Variants in CNTNAP5 observed in about 807,000 individuals in gnomAD.
CNTNAP5 encodes contactin associated protein family member 5, also known as contactin-associated protein-like 5.
A neutral mutation model predicts 150.2 loss-of-function variants in CNTNAP5; 72 were observed. The ratio of observed to expected loss-of-function variants is 0.48; its 90% CI spans 0.40 to 0.58. The LOEUF (loss-of-function observed/expected upper bound fraction) is 0.58, where lower values mean the gene tolerates loss of function less well. CNTNAP5 is among the 20% of genes least tolerant of loss of function. CNTNAP5 has a pLI of 0.00. For missense variants in CNTNAP5, 1,636 were observed against 1,626.2 expected (o/e 1.01, Z -0.10); for synonymous variants, 672 against 619.8 (o/e 1.08, Z -1.25).
intron 19 of CNTNAP5, among the ~76,000 whole-genome samples, chr2:124,860,472 C>CTTCTTTCCTTCCTTCCTTCCTTCT (rs1677496223): frequency 1.2e-5 from 1 of 86,404 alleles, no homozygotes; most frequent in Admixed American, 1.2e-4. Flanking sequence ...TCCTTCCTTC[C>CTTCTTTCCTTCCTTCCTTCCTTCT]TTCCTTCCTT....
intron 16 of CNTNAP5, 34 bp downstream of exon 16, chr2:124,764,181 G>T: frequency 6.4e-7 from 1 of 1,567,292 alleles, no homozygotes; most frequent in South Asian, 1.1e-5. Context: ...TAATGTAACT[G>T]ATCAACAAAC....
intron 12 of CNTNAP5, among the ~76,000 whole-genome samples, chr2:124,627,570 C>G (rs1035631140): frequency 2.7e-5 from 4 of 150,106 alleles, no homozygotes; most frequent in African/African-American, 9.8e-5. Flanking sequence ...AAAGTTATCA[C>G]CCTCAAGATC....
At chr2:124,524,277 T>C (rs1342522385) in intron 8 of CNTNAP5, 26 bp from the exon 9 acceptor site, 2 of 1,613,278 alleles carry the variant, frequency 1.2e-6, no homozygotes, top group Admixed American at 1.7e-5. Flanking sequence ...ATCATCTCTA[T>C]GCTTACTCTC....
intron 3 of CNTNAP5, among the ~76,000 whole-genome samples, chr2:124,384,228 G>A (rs1158035015): frequency 1.3e-5 from 2 of 152,158 alleles, no homozygotes; most frequent in Non-Finnish European, 1.5e-5. Context: ...TACTCCAAGT[G>A]TGCTGCAGAA....
rs74937636 is a variant in CNTNAP5, at chr2:124,237,851, C to A, written c.188-4349C>A. Among the ~76,000 whole-genome samples, 731 of 152,056 alleles carry A rather than the reference C, an allele frequency of 4.8e-3. 8 individuals are homozygous for A. Among genetic ancestry groups the A allele is most frequent in the African/African-American group, 0.017 (688 of 41,508 alleles). On this transcript the variant is annotated intron_variant, in intron 2 of 23. Transcript: ENST00000682447. ...GACTCTGTCTCAAAAGAAAAAACAA[C>A]AACAGCAACAACAACAACAAAACAC...
At chr2:124,557,022 A>G (rs1359682399) in intron 10 of CNTNAP5, among the ~76,000 whole-genome samples, 2 of 152,142 alleles carry the variant, frequency 1.3e-5, no homozygotes, top group African/African-American at 4.8e-5. Flanking sequence ...CTCAAAAAAA[A>G]AAAAAGCTCT....
At chr2:124,090,551 C>G (rs746864750) in intron 1 of CNTNAP5, among the ~76,000 whole-genome samples, 1 of 152,122 alleles carries the variant, frequency 6.6e-6, no homozygotes, top group Non-Finnish European at 1.5e-5. Context: ...ATGCTTCCTT[C>G]TTTTATGTTA....
intron 1 of CNTNAP5, among the ~76,000 whole-genome samples, chr2:124,029,377 A>G (rs1261378405): frequency 6.6e-6 from 1 of 152,072 alleles, no homozygotes. Flanking sequence ...AAGCACTCCA[A>G]TGCTCATTTG....
intron 12 of CNTNAP5, among the ~76,000 whole-genome samples, chr2:124,625,741 G>A (rs1374698898): frequency 2.0e-5 from 3 of 152,196 alleles, no homozygotes; most frequent in Admixed American, 2.0e-4. Context: ...AGGGGATTGG[G>A]AGACAGTCCA....
At chr2:124,375,135 G>T (rs1252976599) in intron 3 of CNTNAP5, among the ~76,000 whole-genome samples, 1 of 151,992 alleles carries the variant, frequency 6.6e-6, no homozygotes, top group Non-Finnish European at 1.5e-5. Flanking sequence ...AGTAATAATG[G>T]TCGCAATACA....
chr2:124,124,727 C>G (rs926664885), intron 1 of CNTNAP5, among the ~76,000 whole-genome samples: 1 of 152,192 alleles, frequency 6.6e-6, no homozygotes, highest in Non-Finnish European at 1.5e-5. Flanking sequence ...AGAAGAAACT[C>G]TACAAGCCAG....
At chr2:124,550,854 G>C (rs1695612178) in intron 10 of CNTNAP5, among the ~76,000 whole-genome samples, 1 of 152,032 alleles carries the variant, frequency 6.6e-6, no homozygotes, top group South Asian at 2.1e-4. Flanking sequence ...TTGGTGGTAG[G>C]GGACTTGTTT....
intron 1 of CNTNAP5, among the ~76,000 whole-genome samples, chr2:124,118,516 C>T (rs373773580): frequency 6.6e-6 from 1 of 152,182 alleles, no homozygotes; most frequent in East Asian, 1.9e-4. Flanking sequence ...TCACTGTGTA[C>T]ACCATCATGA....
At chr2:124,599,664 G>T (rs1696934877) in intron 11 of CNTNAP5, among the ~76,000 whole-genome samples, 1 of 152,076 alleles carries the variant, frequency 6.6e-6, no homozygotes, top group African/African-American at 2.4e-5. Context: ...TCTTTAAAAG[G>T]TTCATTTGAG....
chr2:124,128,132 A>G (rs574592513), intron 1 of CNTNAP5, among the ~76,000 whole-genome samples: 3 of 152,302 alleles, frequency 2.0e-5, no homozygotes, highest in East Asian at 3.9e-4. Context: ...CAACCTACAG[A>G]ATGGGAGAAA....
chr2:124,736,715 A>G (rs992968216), intron 13 of CNTNAP5, among the ~76,000 whole-genome samples: 12 of 152,222 alleles, frequency 7.9e-5, no homozygotes, highest in African/African-American at 2.9e-4. Context: ...GCACCTATAT[A>G]GAAGCTAAAG....
At chr2:124,719,270 G>A (rs74409580) in intron 13 of CNTNAP5, among the ~76,000 whole-genome samples, 3 of 152,164 alleles carry the variant, frequency 2.0e-5, no homozygotes, top group Non-Finnish European at 2.9e-5. Flanking sequence ...CTCCTACAAC[G>A]ACCAGCAAAT....
intron 8 of CNTNAP5, among the ~76,000 whole-genome samples, chr2:124,510,307 A>ATCTATATATATATCTATATATC (rs1427079459): frequency 8.8e-6 from 1 of 113,578 alleles, no homozygotes; most frequent in African/African-American, 3.6e-5. Flanking sequence ...ATATCTATAT[A>ATCTATATATATATCTATATATC]TATATCTATA....
chr2:124,769,828 A>T (rs1573605273), intron 16 of CNTNAP5, among the ~76,000 whole-genome samples: 3 of 152,152 alleles, frequency 2.0e-5, no homozygotes, highest in African/African-American at 7.2e-5. Context: ...GGGTCAGCTT[A>T]CTTAGGTACA....
Sources: gnomAD v4.1 joint callset for allele counts (sites outside exome capture counted in the v4.1 genomes callset) on GRCh38, gnomAD v4.1.1 for gene constraint, MANE v1.5 for transcripts, NCBI Gene and HGNC (gene_info 2026-07-23, HGNC 2026-07-21) for gene names.